Variants in DOCK6 observed in about 807,000 individuals in gnomAD.
DOCK6 encodes the protein dedicator of cytokinesis protein 6.
DOCK6 carries 167 observed loss-of-function variants against 230.3 expected under a neutral mutation model. That is an observed-to-expected ratio of 0.73 (90% CI 0.64 to 0.82). DOCK6 has a LOEUF of 0.82. Among genes scored for constraint, DOCK6 ranks in the 40% least tolerant of loss-of-function variants. The pLI is 0.00. For synonymous variants in DOCK6, 1,148 were observed against 1,185.0 expected (o/e 0.97, Z 0.64); for missense variants, 2,598 against 2,825.8 (o/e 0.92, Z 1.83).
At chr19:11,237,908 A>G (rs1231133761) in intron 16 of DOCK6, 129 bp from the exon 17 acceptor site, 9 of 1,408,364 alleles carry the variant, frequency 6.4e-6, no homozygotes, top group African/African-American at 4.3e-5. Flanking sequence ...AGCTTCCCTC[A>G]TTAGCACTCT....
In DOCK6 at chr19:11,216,527, C is replaced by T. The variant is rs552992632; in HGVS notation, c.3894+387G>A. On this transcript the variant is annotated intron_variant, in intron 30 of 47. Coordinates refer to ENST00000294618, the MANE Select transcript of DOCK6 (RefSeq NM_020812.4). The stretch of plus-strand genomic sequence containing the variant: ...GGTTCAAGTGATTCTCCTGTCTCAG[C>T]CTCCCAAGTAGCTGGGACTACAGGT... 1.3e-3 allele frequency: 254 copies of T among 202,554 alleles called. 1 individual carries two copies. The highest frequency in any genetic ancestry group is 5.7e-3 in the African/African-American group (241 of 42,352). The allele number at this position is 202,554 out of a possible 1,614,324, so 12.5% of individuals were successfully genotyped here.
intron 39 of DOCK6, chr19:11,205,710 C>T (rs1394259284): frequency 2.0e-5 from 3 of 151,708 alleles, no homozygotes; most frequent in Non-Finnish European, 4.4e-5. Flanking sequence ...CTCCTGACCT[C>T]GTGATCCGCC....
Position 11,211,805 on chromosome 19 carries a change from G to A in DOCK6, c.4722C>T (p.Asp1574=), listed in dbSNP as rs541839949. 3 of 1,552,074 alleles carry A rather than the reference G, an allele frequency of 1.9e-6. No individual in the cohort carries two copies. Among genetic ancestry groups the A allele is most frequent in the East Asian group, 2.4e-5 (1 of 40,984 alleles). The change falls in exon 37 of 48, where the codon GAC becomes GAT. Residue 1574 remains aspartate, a synonymous_variant. Transcript: ENST00000294618. ...ACATGAGGTCGATGAGCATCTCAGG[G>A]TCCTCCTGGTGTTCCTTCATCTTCA... The part of the protein sequence containing the change: ...DTVKMKEHQE[D]PEMLIDLMYR...
intron 34 of DOCK6, 33 bp downstream of exon 34, chr19:11,214,238 GTTTT>G (rs2079441036): frequency 6.4e-7 from 1 of 1,565,394 alleles, no homozygotes; most frequent in African/African-American, 1.4e-5. Context: ...AGCTGCTACT[GTTTT>G]TCTAAGAATC....
rs1600836175 is a variant in DOCK6 at position 11,200,125 on chromosome 19, T to C, written c.6101+183A>G. 3.7e-5 allele frequency among the ~76,000 whole-genome samples: 5 copies of C among 136,732 alleles called. No individual in the cohort carries two copies. The South Asian group carries it at 1.1e-3, about 31-fold the overall frequency. The allele number at this position is 136,732 out of a possible 152,430, so 89.7% of individuals were successfully genotyped here. ...AGACTGTGCCAACTGCACTCCAGCC[T>C]GGGCAACAGAGGGAGAGTCTCTCAA... is the stretch of plus-strand genomic sequence containing the variant. On this transcript the variant is annotated intron_variant, in intron 47 of 47. Transcript: ENST00000294618. This position sits in a 1 kb window ranked among gnomAD's most constrained non-coding sequence, Gnocchi z 4.3.
chr19:11,217,904 T>A (rs2147769563), intron 28 of DOCK6, among the ~76,000 whole-genome samples: 1 of 152,084 alleles, frequency 6.6e-6, no homozygotes, highest in South Asian at 2.1e-4. Flanking sequence ...CCGGCTGGAG[T>A]ACAGTGGCCT....
chr19:11,249,382 G>A (rs1227057501), intron 6 of DOCK6, among the ~76,000 whole-genome samples: 1 of 151,768 alleles, frequency 6.6e-6, no homozygotes, highest in Non-Finnish European at 1.5e-5. Flanking sequence ...ATAGTGGCAC[G>A]TGCCTGTAGT....
Position 11,237,769 on chromosome 19 carries a change from A to G in DOCK6, c.1843T>C (p.Phe615Leu). The G allele has an allele frequency of 6.4e-7, 1 of 1,567,006 alleles. No homozygotes were observed. The highest frequency in any genetic ancestry group is 8.6e-7 in the Non-Finnish European group (1 of 1,156,612). The change falls in exon 17 of 48, where the codon TTC becomes CTC. Residue 615 changes from phenylalanine (F) to leucine (L), a missense_variant. Physicochemically the swap from Phe to Leu is conservative, Grantham distance 22. Coordinates refer to ENST00000294618, the MANE Select transcript of DOCK6 (RefSeq NM_020812.4). ...AGATGCAGCTTGAACTCCTCGTAGA[A>G]CTCGGGGGACCTGGCAGAATCGGGC... Reference protein sequence around the residue: ...PVVYHNKSPEFYEEFKLHLPA... With the variant: ...PVVYHNKSPELYEEFKLHLPA...
At chr19:11,256,792 C>T (rs1419990246) in intron 1 of DOCK6, among the ~76,000 whole-genome samples, 1 of 152,162 alleles carries the variant, frequency 6.6e-6, no homozygotes, top group African/African-American at 2.4e-5. Flanking sequence ...ATTCTCCTGT[C>T]TCAGCCTCCT....
chr19:11,237,267 A>G (rs756534493), intron 18 of DOCK6, 189 bp downstream of exon 18: 42 of 650,942 alleles, frequency 6.5e-5, no homozygotes, highest in South Asian at 1.7e-4. Flanking sequence ...CAGAGAGGCA[A>G]TGGGAATCTT....
At chr19:11,262,099 C>T (rs2080300030) in intron 1 of DOCK6, among the ~76,000 whole-genome samples, 1 of 152,108 alleles carries the variant, frequency 6.6e-6, no homozygotes, top group African/African-American at 2.4e-5. Flanking sequence ...CATCCGCATC[C>T]CCACGCCACC....
intron 28 of DOCK6, among the ~76,000 whole-genome samples, chr19:11,218,952 C>T (rs1310053987): frequency 7.0e-6 from 1 of 142,176 alleles, no homozygotes; most frequent in African/African-American, 2.6e-5. Flanking sequence ...GATCCTGGCT[C>T]ACCACAACCT....
intron 21 of DOCK6, among the ~76,000 whole-genome samples, chr19:11,234,841 T>C (rs372142051): frequency 1.4e-4 from 22 of 152,254 alleles, no homozygotes; most frequent in South Asian, 8.3e-4. Flanking sequence ...CAAAACATTA[T>C]CTCTCTTGCA....
intron 22 of DOCK6, among the ~76,000 whole-genome samples, chr19:11,232,871 T>TG (rs34692794): frequency 0.15 from 22,721 of 151,690 alleles, 1,873 homozygotes; most frequent in East Asian, 0.26. Flanking sequence ...TGTATATGCA[T>TG]GGGGGGTGAA....
chr19:11,240,758 T>G (rs968287530), intron 14 of DOCK6, among the ~76,000 whole-genome samples: 1 of 151,792 alleles, frequency 6.6e-6, no homozygotes, highest in Non-Finnish European at 1.5e-5. Flanking sequence ...TTAGTAGAGA[T>G]GGGATTTCAC....
chr19:11,246,021 T>A, intron 7 of DOCK6, 143 bp from the exon 8 acceptor site: 1 of 939,078 alleles, frequency 1.1e-6, no homozygotes, highest in Non-Finnish European at 1.6e-6. Flanking sequence ...GCAGAAAAGG[T>A]ACATCTCATT....
Position 11,243,478 on chromosome 19 carries a change from C to A in DOCK6, c.1258+79G>T, listed in dbSNP as rs2079981369. 1.3e-6 allele frequency: 2 copies of A among 1,545,206 alleles called. No individual in the cohort carries two copies. The highest frequency in any genetic ancestry group is 1.9e-5 in the Admixed American group (1 of 51,446). ...GTTCGGCCAGCAGAGGGCGCACCCC[C>A]TCGCCCCGTAGCCCCGCCCCAGGCC... On this transcript the variant is annotated intron_variant, in intron 11 of 47. Coordinates refer to ENST00000294618, the MANE Select transcript of DOCK6 (RefSeq NM_020812.4). The surrounding 1 kb of genome is among the most constrained non-coding windows in gnomAD (Gnocchi z 6.3).
At chr19:11,224,359 C>A (rs1440392989) in intron 24 of DOCK6, among the ~76,000 whole-genome samples, 1 of 151,740 alleles carries the variant, frequency 6.6e-6, no homozygotes, top group Non-Finnish European at 1.5e-5. Context: ...TACAGGTGCG[C>A]ACCACCACAC....
At chr19:11,252,414 C>G (rs552369840) in intron 4 of DOCK6, 68 bp downstream of exon 4, 17 of 1,592,256 alleles carry the variant, frequency 1.1e-5, no homozygotes, top group Non-Finnish European at 1.5e-5. Flanking sequence ...ACAGTAGGAC[C>G]GGCTGCAGAC....
Sources: gnomAD v4.1 joint callset for allele counts (sites outside exome capture counted in the v4.1 genomes callset) on GRCh38, gnomAD v4.1.1 for gene constraint, Gnocchi (gnomAD v3.1) non-coding constraint, MANE v1.5 for transcripts, NCBI Gene and HGNC (gene_info 2026-07-23, HGNC 2026-07-21) for gene names.